Variants in ACOXL observed in about 807,000 individuals in gnomAD.
The protein encoded by ACOXL is acyl-CoA oxidase like, also known as acyl-coenzyme A oxidase-like protein.
ACOXL carries 70 observed loss-of-function variants against 71.9 expected under a neutral mutation model. The ratio of observed to expected loss-of-function variants is 0.97; its 90% confidence interval spans 0.80 to 1.19. The LOEUF is 1.19. ACOXL is among the 50% of genes most tolerant of loss of function. The pLI is 0.00. For missense variants in ACOXL, 703 were observed against 736.3 expected (o/e 0.95, Z 0.52); for synonymous variants, 253 against 281.6 (o/e 0.90, Z 1.02).
At chr2:110,924,454 C>T (rs6704591) in intron 11 of ACOXL, among the ~76,000 whole-genome samples, 3,277 of 152,314 alleles carry the variant, frequency 0.022, 139 homozygotes, top group African/African-American at 0.076. Flanking sequence ...TGCTGCTGCC[C>T]TATCAACTAA....
At chr2:110,842,439 G>C (rs1417510568) in intron 10 of ACOXL, among the ~76,000 whole-genome samples, 1 of 152,164 alleles carries the variant, frequency 6.6e-6, no homozygotes, top group African/African-American at 2.4e-5. Context: ...CCATACAAAA[G>C]ACAGATTAAC....
intron 10 of ACOXL, among the ~76,000 whole-genome samples, chr2:110,853,658 G>A (rs1011710711): frequency 4.6e-5 from 7 of 152,276 alleles, no homozygotes; most frequent in African/African-American, 1.4e-4. Context: ...CCACTTTTAC[G>A]GTTGTCTGTG....
At chr2:110,756,306 T>G (rs1015979860) in intron 1 of ACOXL, among the ~76,000 whole-genome samples, 4 of 152,158 alleles carry the variant, frequency 2.6e-5, no homozygotes, top group African/African-American at 2.4e-5. Context: ...TTTTTCTATT[T>G]TTAGTAGAGA....
At position 111,117,788 on chromosome 2, in the gene ACOXL, G is replaced by A. The variant is rs2070463523; in HGVS notation, c.1715G>A (p.Arg572Gln). The change falls in exon 18 of 18, where the codon CGG becomes CAG. Residue 572 changes from arginine to glutamine, a missense_variant. By Grantham distance (43) the Arg-to-Gln change is conservative (BLOSUM62 1). Coordinates refer to ENST00000439055, the MANE Select transcript of ACOXL (RefSeq NM_001142807.4). ...QPRPREEARS[R>Q]RPKLGAKL The stretch of plus-strand genomic sequence containing the variant: ...CGGCCACGGGAAGAGGCGCGCTCCC[G>A]GCGGCCCAAGCTGGGAGCCAAGCTC... 1 of 1,550,430 alleles carries A rather than the reference G, an allele frequency of 6.4e-7. No homozygotes were observed. The highest frequency in any genetic ancestry group is 8.7e-7 in the Non-Finnish European group (1 of 1,146,656).
chr2:110,761,127 T>G (rs1680350889), intron 1 of ACOXL, among the ~76,000 whole-genome samples: 1 of 152,268 alleles, frequency 6.6e-6, no homozygotes, highest in Non-Finnish European at 1.5e-5. Context: ...CAGAACAATA[T>G]TCAACAACAA....
At chr2:111,067,826 G>A (rs1260212784) in intron 16 of ACOXL, among the ~76,000 whole-genome samples, 2 of 152,230 alleles carry the variant, frequency 1.3e-5, no homozygotes, top group African/African-American at 2.4e-5. Flanking sequence ...GCCTTGGGAA[G>A]TCCAGGGGAG....
chr2:111,064,436 AAAAAAAAAAC>A (rs1244945366), intron 16 of ACOXL, among the ~76,000 whole-genome samples: 1 of 69,138 alleles, frequency 1.4e-5, no homozygotes, highest in African/African-American at 5.1e-5. Context: ...ACTCCATCTC[AAAAAAAAAAC>A]AAAAAAAAAA....
At chr2:111,042,906 G>C (rs1233710104) in intron 15 of ACOXL, among the ~76,000 whole-genome samples, 1 of 152,238 alleles carries the variant, frequency 6.6e-6, no homozygotes, top group Non-Finnish European at 1.5e-5. Context: ...TCTGCAAAGA[G>C]GTCGTGGCAG....
rs1251492923 is a variant in ACOXL at position 110,949,962 on chromosome 2, G to GA, written c.1059+16322dup. Among the ~76,000 whole-genome samples the GA allele has an allele frequency of 5.9e-5, 9 of 152,066 alleles. No homozygotes were observed. The East Asian group carries it at 1.7e-3, about 29-fold the overall frequency. On this transcript the variant is annotated intron_variant, in intron 12 of 17. Transcript: ENST00000439055. The stretch of plus-strand genomic sequence containing the variant: ...CTGGCCCTCTGGGTTCCATGTTAAT[G>GA]AATGTTCTACACTTAACCCTCATTT...
chr2:110,982,677 T>C (rs1010014583), intron 12 of ACOXL, among the ~76,000 whole-genome samples: 1 of 152,214 alleles, frequency 6.6e-6, no homozygotes, highest in Admixed American at 6.5e-5. Flanking sequence ...AAAAGAAATA[T>C]AGGATGCCCA....
intron 17 of ACOXL, chr2:111,100,632 G>A (rs897923151): frequency 1.3e-5 from 2 of 153,300 alleles, no homozygotes; most frequent in East Asian, 3.9e-4. Context: ...TGCACCTGAG[G>A]CTTTCTCCAT....
At chr2:110,812,207 T>C (rs1241694430) in intron 9 of ACOXL, among the ~76,000 whole-genome samples, 3 of 152,236 alleles carry the variant, frequency 2.0e-5, no homozygotes, top group Non-Finnish European at 4.4e-5. Flanking sequence ...TAAAAACATA[T>C]GTTTGCAGCA....
At chr2:110,744,009 G>A (rs183005590) in intron 1 of ACOXL, among the ~76,000 whole-genome samples, 16 of 152,272 alleles carry the variant, frequency 1.1e-4, no homozygotes, top group Non-Finnish European at 2.1e-4. Context: ...GGCCCCCCAG[G>A]CACTGACCCT....
At position 110,897,293 on chromosome 2, in the gene ACOXL, CTCAAA is replaced by C. The variant is rs562457359; in HGVS notation, c.789-11491_789-11487del. Among the ~76,000 whole-genome samples the C allele has an allele frequency of 1.2e-4, 18 of 152,266 alleles. No homozygotes were observed. In the East Asian group the frequency reaches 3.5e-3, roughly 29 times the overall value. Reference sequence around the variant, plus strand: ...GCATATATTAGAAATGAGGAAAAGTCTCAAATCAATATCTAAGCTCTCACTTAAAG... The same window carrying C: ...GCATATATTAGAAATGAGGAAAAGTCTCAATATCTAAGCTCTCACTTAAAG... On this transcript the variant is annotated intron_variant, in intron 10 of 17. Transcript: ENST00000439055.
At chr2:110,813,195 G>A (rs1687548408) in intron 9 of ACOXL, among the ~76,000 whole-genome samples, 1 of 152,160 alleles carries the variant, frequency 6.6e-6, no homozygotes, top group South Asian at 2.1e-4. Flanking sequence ...AAGTCCTTGG[G>A]CATCTCTCCC....
intron 10 of ACOXL, among the ~76,000 whole-genome samples, chr2:110,891,168 G>A (rs141439907): frequency 6.6e-6 from 1 of 152,078 alleles, no homozygotes; most frequent in East Asian, 1.9e-4. Context: ...ACTGATTTCA[G>A]TGGATTCCTT....
At chr2:110,875,355 CAA>C (rs1465128128) in intron 10 of ACOXL, among the ~76,000 whole-genome samples, 1 of 152,194 alleles carries the variant, frequency 6.6e-6, no homozygotes, top group Admixed American at 6.5e-5. Flanking sequence ...ATTTTTTGGA[CAA>C]AGAAGAATGC....
intron 17 of ACOXL, among the ~76,000 whole-genome samples, chr2:111,109,246 A>C (rs2069770469): frequency 6.6e-6 from 1 of 152,260 alleles, no homozygotes; most frequent in Non-Finnish European, 1.5e-5. Flanking sequence ...TGGACATTTA[A>C]GGTGTTTATG....
At chr2:110,838,577 C>T (rs1241967636) in intron 9 of ACOXL, among the ~76,000 whole-genome samples, 2 of 152,152 alleles carry the variant, frequency 1.3e-5, no homozygotes, top group African/African-American at 2.4e-5. Context: ...CTTCTACCTC[C>T]CCTGCTTTCT....
Sources: allele counts gnomAD v4.1 joint callset (sites outside exome capture counted in the v4.1 genomes callset), GRCh38; gene constraint gnomAD v4.1.1; transcripts MANE v1.5; gene names NCBI Gene and HGNC (gene_info 2026-07-23, HGNC 2026-07-21).